The following COPS7B variants were observed in gnomAD, a reference collection of about 807,000 sequenced individuals.
COPS7B encodes the protein COP9 signalosome subunit 7B, also known as COP9 signalosome complex subunit 7b.
In COPS7B, 9 loss-of-function variants were observed where a neutral mutation model predicts 33.4. The observed-to-expected ratio is 0.27, with a 90% CI of 0.16 to 0.47. The LOEUF is 0.47. COPS7B is among the 20% of genes least tolerant of loss of function. The pLI is 0.99. For missense variants in COPS7B, 242 were observed against 318.2 expected (o/e 0.76, Z 1.82); for synonymous variants, 119 against 126.3 (o/e 0.94, Z 0.39).
intron 5 of COPS7B, among the ~76,000 whole-genome samples, chr2:231,798,045 G>C (rs1323401923): frequency 6.7e-6 from 1 of 148,536 alleles, no homozygotes; most frequent in Non-Finnish European, 1.5e-5. Flanking sequence ...GTGCCACCAG[G>C]CCTGGCTAAT....
At chr2:231,806,567 A>AG (rs1559379377) in intron 6 of COPS7B, among the ~76,000 whole-genome samples, 2 of 151,842 alleles carry the variant, frequency 1.3e-5, no homozygotes, top group African/African-American at 4.8e-5. Context: ...AAAAAAAAAA[A>AG]AAAAGACTAA....
At chr2:231,786,146 C>A (rs1334719622), upstream of COPS7B, 3 of 152,186 alleles carry the variant, frequency 2.0e-5, no homozygotes, top group African/African-American at 4.8e-5. Context: ...CCATGGGGAG[C>A]TCCTGAGAGA....
At chr2:231,786,631 G>T in intron 1 of COPS7B, 93 bp downstream of exon 1, 1 of 552,848 alleles carries the variant, frequency 1.8e-6, no homozygotes, top group Non-Finnish European at 2.3e-6. Context: ...GGAAGCCCGC[G>T]GCCGTGCCCG....
Position 231,788,547 on chromosome 2 carries a change from T to C in COPS7B, c.-16-8T>C, listed in dbSNP as rs748637751. The C allele has an allele frequency of 1.4e-5, 22 of 1,611,486 alleles. No homozygotes were observed. In the South Asian group the frequency reaches 2.1e-4, roughly 15 times the overall value. Reference sequence around the variant, plus strand: ...GAAGAATGACTGACACAATTTTCTTTTGGACAGATTTCAAGGCCAGAGAAT... The same window carrying C: ...GAAGAATGACTGACACAATTTTCTTCTGGACAGATTTCAAGGCCAGAGAAT... On this transcript the variant is annotated splice_polypyrimidine_tract_variant and splice_region_variant and intron_variant, in intron 1 of 6. Coordinates refer to ENST00000350033, the MANE Select transcript of COPS7B (RefSeq NM_022730.4).
At chr2:231,781,940 G>A (rs766313821), upstream of COPS7B, 11 of 1,498,264 alleles carry the variant, frequency 7.3e-6, no homozygotes, top group Admixed American at 2.0e-5. Context: ...AGAACAAAAT[G>A]ACTTCTTCAA....
At chr2:231,786,748 C>T (rs1413306494) in intron 1 of COPS7B, among the ~76,000 whole-genome samples, 1 of 152,204 alleles carries the variant, frequency 6.6e-6, no homozygotes, top group African/African-American at 2.4e-5. Context: ...TTGCGACCCT[C>T]AGCTTCAGTG....
chr2:231,800,984 T>C (rs919278955), intron 6 of COPS7B, among the ~76,000 whole-genome samples: 20 of 152,332 alleles, frequency 1.3e-4, no homozygotes, highest in Admixed American at 1.2e-3. Context: ...ACTCACCAAA[T>C]AGCTACTGAC....
rs2049981447 is a variant in COPS7B, at chr2:231,809,189, CCT to C, written c.*1545_*1546del. 6.6e-6 allele frequency: 1 copy of C among 152,336 alleles called. No homozygotes were observed. Among genetic ancestry groups the C allele is most frequent in the Non-Finnish European group, 1.5e-5 (1 of 68,076 alleles). 9.4% of individuals were successfully genotyped at this position (152,336 alleles called of 1,614,324 possible). A position where few individuals can be genotyped will look rare whatever the true frequency, so the allele number is the denominator to read the frequency against. On this transcript the variant is annotated 3_prime_UTR_variant, in exon 7 of 7. Transcript: ENST00000350033. ...TTCCAAAGTATGTTTCATGCAGCCCCCTGTCAGCTGCTCTGTGGAAAAGGGGT... is the reference window on the plus strand; with the variant it reads ...TTCCAAAGTATGTTTCATGCAGCCCCGTCAGCTGCTCTGTGGAAAAGGGGT...
Position 231,797,895 on chromosome 2 carries a change from T to G in COPS7B, c.531-964T>G, listed in dbSNP as rs1417102594. On this transcript the variant is annotated intron_variant, in intron 5 of 6. Coordinates refer to ENST00000350033, the MANE Select transcript of COPS7B (RefSeq NM_022730.4). ...ATGCTTTTAGGAAATCTTTTTTTGT[T>G]TGTTGTTTTTTGAGACAGTTTTGCT... 3.9e-5 allele frequency among the ~76,000 whole-genome samples: 6 copies of G among 152,336 alleles called. No homozygotes were observed. The East Asian group carries it at 1.2e-3, about 29-fold the overall frequency.
chr2:231,798,919 G>A lies in COPS7B; in HGVS notation c.591G>A (p.Gln197=). 1 of 1,614,214 alleles carries A rather than the reference G, an allele frequency of 6.2e-7. No individual in the cohort carries two copies. Among genetic ancestry groups the A allele is most frequent in the Non-Finnish European group, 8.5e-7 (1 of 1,180,020 alleles). Residue 197 remains glutamine (Q), a synonymous_variant, in exon 6 of 7, where the codon CAG becomes CAA. Transcript: ENST00000350033. ...GIEQQVLRAN[Q]YKENHNRTQQ... The stretch of plus-strand genomic sequence containing the variant: ...AGCAGCAAGTTCTGAGAGCCAACCA[G>A]TACAAAGAGAACCACAACCGAACTC...
At chr2:231,788,468 G>A in intron 1 of COPS7B, 87 bp from the exon 2 acceptor site, 1 of 1,228,058 alleles carries the variant, frequency 8.1e-7, no homozygotes, top group Admixed American at 2.1e-5. Flanking sequence ...TAAAAGTAAA[G>A]TATTCTGGTG....
At chr2:231,781,811 C>A (rs149343680), upstream of COPS7B, 21,306 of 1,549,846 alleles carry the variant, frequency 0.014, 185 homozygotes, top group Middle Eastern at 0.031. Flanking sequence ...ACCCTTCTCA[C>A]CCTCAAAAGA....
chr2:231,805,004 G>A (rs888630797), intron 6 of COPS7B, among the ~76,000 whole-genome samples: 1 of 152,130 alleles, frequency 6.6e-6, no homozygotes. Context: ...TGTTCCCTGA[G>A]AAGTCAAATT....
chr2:231,784,208 G>A (rs1026886404), upstream of COPS7B, among the ~76,000 whole-genome samples: 8 of 151,992 alleles, frequency 5.3e-5, no homozygotes, highest in East Asian at 9.6e-4. Context: ...CTGCCTGGGC[G>A]TGGTGGCTCA....
Position 231,807,677 on chromosome 2 carries a change from C to T in COPS7B, c.*32C>T. ...CTGGGGCAGCTGGCACTCACCAGGC[C>T]TGGGTCAGGTGGGGAGGGGACACCA... On this transcript the variant is annotated 3_prime_UTR_variant, in exon 7 of 7. Transcript: ENST00000350033. The T allele has an allele frequency of 6.5e-7, 1 of 1,534,326 alleles. No individual in the cohort carries two copies. Among genetic ancestry groups the T allele is most frequent in the Non-Finnish European group, 8.8e-7 (1 of 1,139,640 alleles).
upstream of COPS7B, among the ~76,000 whole-genome samples, chr2:231,782,298 C>T (rs1009106801): frequency 7.2e-5 from 11 of 152,144 alleles, no homozygotes; most frequent in African/African-American, 2.4e-4. Context: ...GTTGAAACAC[C>T]CAGAATTAGG....
At chr2:231,807,113 A>G (rs919778798) in intron 6 of COPS7B, among the ~76,000 whole-genome samples, 1 of 152,230 alleles carries the variant, frequency 6.6e-6, no homozygotes, top group African/African-American at 2.4e-5. Context: ...ATGGAGCTGT[A>G]TTCCCAAAGT....
At chr2:231,799,991 GCACACCATAAAAGTGTGT>G (rs1368022987) in intron 6 of COPS7B, among the ~76,000 whole-genome samples, 2 of 152,090 alleles carry the variant, frequency 1.3e-5, no homozygotes, top group African/African-American at 4.8e-5. Context: ...AATATTTCTG[GCACACCATAAAAGTGTGT>G]CAGTGGACTG....
intron 6 of COPS7B, among the ~76,000 whole-genome samples, chr2:231,806,553 CAAAAAAAAAA>C (rs199988222): frequency 1.1e-5 from 1 of 89,740 alleles, no homozygotes; most frequent in African/African-American, 3.9e-5. Flanking sequence ...ACTCTGTCTC[CAAAAAAAAAA>C]AAAAAAAAGA....
Sources: allele counts gnomAD v4.1 joint callset (sites outside exome capture counted in the v4.1 genomes callset), GRCh38; gene constraint gnomAD v4.1.1; transcripts MANE v1.5; gene names NCBI Gene and HGNC (gene_info 2026-07-23, HGNC 2026-07-21).